CDH13: variants seen among roughly 807,000 people sequenced by gnomAD.
The protein encoded by CDH13 is cadherin 13.
Under a neutral mutation model 63.8 loss-of-function variants are expected in CDH13, and 24 were observed. The observed-to-expected ratio is 0.38, with a 90% CI of 0.27 to 0.53. CDH13 has a LOEUF of 0.53. Ranked by LOEUF, CDH13 falls within the 20% of genes least tolerant of loss-of-function variation. The pLI is 0.85. For synonymous variants in CDH13, 503 were observed against 355.3 expected (o/e 1.42, Z -4.67); for missense variants, 1,049 against 903.1 (o/e 1.16, Z -2.07).
chr16:83,718,719 C>T (rs1228757971), intron 10 of CDH13, among the ~76,000 whole-genome samples: 2 of 152,156 alleles, frequency 1.3e-5, no homozygotes, highest in African/African-American at 2.4e-5. Context: ...CAGCTTGGCC[C>T]ACACTCTTGT....
At chr16:83,211,828 C>T (rs1170535727) in intron 4 of CDH13, among the ~76,000 whole-genome samples, 4 of 152,000 alleles carry the variant, frequency 2.6e-5, no homozygotes, top group African/African-American at 9.7e-5. Flanking sequence ...GTGCTATTTA[C>T]ATGCCCTTCC....
intron 2 of CDH13, among the ~76,000 whole-genome samples, chr16:82,921,425 A>G (rs983876075): frequency 6.6e-6 from 1 of 152,118 alleles, no homozygotes. Context: ...TCTATCTCTC[A>G]TAGAATCTCC....
At chr16:83,027,119 C>A (rs1461126109) in intron 2 of CDH13, among the ~76,000 whole-genome samples, 4 of 146,618 alleles carry the variant, frequency 2.7e-5, no homozygotes, top group East Asian at 4.4e-4. Flanking sequence ...CCCCCCACCG[C>A]CCCGCCTCCA....
chr16:83,205,062 A>G (rs962208269), intron 4 of CDH13, among the ~76,000 whole-genome samples: 1 of 152,212 alleles, frequency 6.6e-6, no homozygotes, highest in Non-Finnish European at 1.5e-5. Context: ...TGAGGCAGCC[A>G]CCATGATTAC....
At chr16:82,847,018 C>T (rs1438539028) in intron 1 of CDH13, among the ~76,000 whole-genome samples, 1 of 152,208 alleles carries the variant, frequency 6.6e-6, no homozygotes, top group Non-Finnish European at 1.5e-5. Context: ...ATTCCAAAGC[C>T]ATGACCTTCC....
At chr16:83,374,747 T>C (rs2091431263) in intron 6 of CDH13, among the ~76,000 whole-genome samples, 1 of 152,154 alleles carries the variant, frequency 6.6e-6, no homozygotes, top group Admixed American at 6.5e-5. Flanking sequence ...CCTGAGAGTG[T>C]GAAAGAATGA....
intron 2 of CDH13, among the ~76,000 whole-genome samples, chr16:83,018,877 A>G (rs1168109761): frequency 6.6e-6 from 1 of 152,232 alleles, no homozygotes; most frequent in Non-Finnish European, 1.5e-5. Context: ...TAATAAAAAT[A>G]TAGTCTAAAA....
intron 2 of CDH13, among the ~76,000 whole-genome samples, chr16:83,028,239 C>T (rs752078850): frequency 6.6e-6 from 1 of 152,170 alleles, no homozygotes; most frequent in Non-Finnish European, 1.5e-5. Flanking sequence ...TGAAAGCAAC[C>T]TTGGTGTCAC....
chr16:83,326,399 C>G (rs1213854691), intron 5 of CDH13, among the ~76,000 whole-genome samples: 1 of 150,452 alleles, frequency 6.6e-6, no homozygotes, highest in East Asian at 1.9e-4. Context: ...CCTAATGATT[C>G]ACTACCATGG....
chr16:83,109,839 A>G (rs551670805), intron 3 of CDH13, among the ~76,000 whole-genome samples: 1 of 152,330 alleles, frequency 6.6e-6, no homozygotes, highest in South Asian at 2.1e-4. Flanking sequence ...ATGTGGTTGA[A>G]CGGGCTTCCG....
At chr16:82,683,891 A>C (rs551278397) in intron 1 of CDH13, among the ~76,000 whole-genome samples, 1 of 152,316 alleles carries the variant, frequency 6.6e-6, no homozygotes, top group South Asian at 2.1e-4. Flanking sequence ...TTCTGTGTTG[A>C]TAAAAATTGT....
chr16:83,682,367 G>C (rs899169588), intron 10 of CDH13, among the ~76,000 whole-genome samples: 2 of 152,146 alleles, frequency 1.3e-5, no homozygotes, highest in African/African-American at 2.4e-5. Flanking sequence ...ATGTGCAGCA[G>C]CTGTACAAGG....
At chr16:83,336,640 T>G (rs2090604108) in intron 5 of CDH13, among the ~76,000 whole-genome samples, 1 of 152,200 alleles carries the variant, frequency 6.6e-6, no homozygotes, top group Admixed American at 6.5e-5. Context: ...AACTATATCA[T>G]CTCAAAAAAG....
At position 83,014,224 on chromosome 16, in the gene CDH13, C is replaced by G. The variant is rs549250948; in HGVS notation, c.158-17786C>G. Among the ~76,000 whole-genome samples the G allele has an allele frequency of 2.0e-3, 294 of 150,266 alleles. 3 individuals carry two copies. Among genetic ancestry groups the G allele is most frequent in the Non-Finnish European group, 2.8e-3 (187 of 67,780 alleles). ...TCATTGAAAAATTTTCAAACTAATA[C>G]TACACTCTCTTCCAACCATCAGATT... On this transcript the variant is annotated intron_variant, in intron 2 of 13. Transcript: ENST00000567109.
At chr16:82,703,598 T>C (rs1007475314) in intron 1 of CDH13, among the ~76,000 whole-genome samples, 1 of 152,200 alleles carries the variant, frequency 6.6e-6, no homozygotes, top group Non-Finnish European at 1.5e-5. Context: ...CACTGCCTCC[T>C]GGAACCACCT....
chr16:83,261,942 G>T (rs1907047025), intron 5 of CDH13, among the ~76,000 whole-genome samples: 1 of 152,144 alleles, frequency 6.6e-6, no homozygotes, highest in Admixed American at 6.5e-5. Flanking sequence ...TTGCTGATCA[G>T]ATTTGTTCTG....
chr16:83,223,613 C>T lies in CDH13; in HGVS notation c.636+6116C>T, dbSNP rs191742413. On this transcript the variant is annotated intron_variant, in intron 5 of 13. Transcript: ENST00000567109. The stretch of plus-strand genomic sequence containing the variant: ...CCAGGTGACTTTGCCAAGCTCAGAA[C>T]CTCTGATCTGCAAAGCACAGCTGTG... 6.7e-3 allele frequency among the ~76,000 whole-genome samples: 1,022 copies of T among 152,328 alleles called. 2 individuals are homozygous for T. Among genetic ancestry groups the T allele is most frequent in the Admixed American group, 0.017 (256 of 15,306 alleles).
chr16:82,916,605 A>G (rs945917935), intron 2 of CDH13, among the ~76,000 whole-genome samples: 1 of 152,098 alleles, frequency 6.6e-6, no homozygotes, highest in African/African-American at 2.4e-5. Flanking sequence ...AGTAAAAATA[A>G]AAAGGAAGAC....
At chr16:82,730,319 T>A (rs562003927) in intron 1 of CDH13, among the ~76,000 whole-genome samples, 1 of 152,308 alleles carries the variant, frequency 6.6e-6, no homozygotes, top group Admixed American at 6.5e-5. Context: ...CAACTCTTCC[T>A]TTTCCTTGAG....
Sources: gnomAD v4.1 joint callset for allele counts (sites outside exome capture counted in the v4.1 genomes callset) on GRCh38, gnomAD v4.1.1 for gene constraint, MANE v1.5 for transcripts, NCBI Gene and HGNC (gene_info 2026-07-23, HGNC 2026-07-21) for gene names.